FREM1: variants seen among roughly 807,000 people sequenced by gnomAD.
FREM1 encodes the protein FRAS1-related extracellular matrix protein 1.
In FREM1, 220 loss-of-function variants were observed where a neutral mutation model predicts 210.1. That is an observed-to-expected ratio of 1.05 (90% CI 0.94 to 1.17). The LOEUF (loss-of-function observed/expected upper bound fraction) is 1.17, where lower values mean the gene tolerates loss of function less well. FREM1 is among the 50% of genes most tolerant of loss of function. The pLI is 0.00. For missense variants in FREM1, 3,454 were observed against 2,675.5 expected (o/e 1.29, Z -6.42); for synonymous variants, 1,189 against 980.2 (o/e 1.21, Z -3.98).
At chr9:14,860,249 C>T (rs116009401) in intron 3 of FREM1, among the ~76,000 whole-genome samples, 22 of 152,096 alleles carry the variant, frequency 1.4e-4, no homozygotes, top group Middle Eastern at 3.4e-3. Context: ...TCAGGCATAA[C>T]GGGCTCAGGT....
intron 1 of FREM1, among the ~76,000 whole-genome samples, chr9:14,893,501 G>A (rs1032367912): frequency 4.6e-5 from 7 of 152,124 alleles, no homozygotes; most frequent in Non-Finnish European, 1.5e-5. Context: ...TTCAATTCCT[G>A]GATCAGGAAA....
chr9:14,883,371 T>G (rs1835168525), intron 1 of FREM1, among the ~76,000 whole-genome samples: 1 of 152,082 alleles, frequency 6.6e-6, no homozygotes, highest in African/African-American at 2.4e-5. Flanking sequence ...GCAATAAAGA[T>G]CAAAAAGGGT....
At chr9:14,784,343 G>C (rs370415834) in intron 24 of FREM1, 27 bp downstream of exon 24, 1 of 1,601,274 alleles carries the variant, frequency 6.2e-7, no homozygotes, top group Non-Finnish European at 8.5e-7. Context: ...CCAAAGAAGG[G>C]GTTTGAAAAG....
chr9:14,801,250 C>T (rs1474840607), intron 20 of FREM1, among the ~76,000 whole-genome samples: 3 of 152,286 alleles, frequency 2.0e-5, no homozygotes, highest in African/African-American at 4.8e-5. Context: ...CACCTGTCTT[C>T]GTCTCCCAAA....
chr9:14,895,469 G>A (rs1314200252), intron 1 of FREM1, among the ~76,000 whole-genome samples: 1 of 152,102 alleles, frequency 6.6e-6, no homozygotes, highest in Non-Finnish European at 1.5e-5. Flanking sequence ...GAAACAAGAA[G>A]GATGGGTAAT....
chr9:14,848,826 G>A, intron 6 of FREM1, 53 bp from the exon 7 acceptor site: 1 of 1,115,874 alleles, frequency 9.0e-7, no homozygotes, highest in Non-Finnish European at 1.4e-6. Context: ...ACAGGGTAAA[G>A]TAGCATTAAT....
intron 1 of FREM1, among the ~76,000 whole-genome samples, chr9:14,878,266 C>T (rs1489457107): frequency 6.6e-6 from 1 of 152,130 alleles, no homozygotes; most frequent in African/African-American, 2.4e-5. Context: ...CCTTTGCTGA[C>T]CCTGTCCCAG....
At chr9:14,884,390 C>G (rs1219187474) in intron 1 of FREM1, among the ~76,000 whole-genome samples, 1 of 152,148 alleles carries the variant, frequency 6.6e-6, no homozygotes, top group Non-Finnish European at 1.5e-5. Flanking sequence ...TTTTTCTTTA[C>G]ATGGTAATCA....
intron 10 of FREM1, among the ~76,000 whole-genome samples, chr9:14,827,173 G>A (rs1240902603): frequency 2.8e-5 from 1 of 36,328 alleles, no homozygotes; most frequent in South Asian, 1.9e-3. Flanking sequence ...GTGTGCTCTA[G>A]ACAGAAGAAC....
At chr9:14,796,052 T>G (rs1191123500) in intron 21 of FREM1, among the ~76,000 whole-genome samples, 5 of 152,218 alleles carry the variant, frequency 3.3e-5, no homozygotes, top group African/African-American at 4.8e-5. Context: ...GGTGAATACT[T>G]TTAGACAAAC....
intron 1 of FREM1, among the ~76,000 whole-genome samples, chr9:14,885,862 A>G (rs1257103882): frequency 6.6e-6 from 1 of 152,192 alleles, no homozygotes; most frequent in African/African-American, 2.4e-5. Flanking sequence ...GAGAACATTT[A>G]AAATCTACTC....
intron 1 of FREM1, among the ~76,000 whole-genome samples, chr9:14,893,007 T>A (rs987439368): frequency 6.6e-6 from 1 of 151,884 alleles, no homozygotes; most frequent in South Asian, 2.1e-4. Flanking sequence ...GAGGGGCTAA[T>A]GTCTGTGTTT....
At chr9:14,873,334 C>T (rs1282746056) in intron 1 of FREM1, among the ~76,000 whole-genome samples, 1 of 152,144 alleles carries the variant, frequency 6.6e-6, no homozygotes, top group African/African-American at 2.4e-5. Flanking sequence ...TTGATTATTG[C>T]CACAATTTCA....
chr9:14,786,240 G>A (rs1056535683), intron 23 of FREM1, among the ~76,000 whole-genome samples: 26 of 152,114 alleles, frequency 1.7e-4, no homozygotes, highest in South Asian at 1.0e-3. Flanking sequence ...GTGAGAATTC[G>A]TACGCAAGCC....
chr9:14,741,566 A>C (rs1494344), intron 35 of FREM1, among the ~76,000 whole-genome samples: 2 of 151,920 alleles, frequency 1.3e-5, no homozygotes, highest in Admixed American at 6.6e-5. Flanking sequence ...CCCCTCCCCA[A>C]CACATCCAAC....
In FREM1 at chr9:14,784,518, C is replaced by G; in HGVS notation, c.4294G>C (p.Val1432Leu). 1 of 1,613,846 alleles carries G rather than the reference C, an allele frequency of 6.2e-7. No individual in the cohort carries two copies. Residue 1432 changes from valine (V) to leucine (L), a missense_variant, in exon 24 of 37, where the codon GTC becomes CTC. Val to Leu is a conservative substitution (Grantham distance 32). Coordinates refer to ENST00000380880, the MANE Select transcript of FREM1 (RefSeq NM_001379081.2). Reference protein sequence around the residue: ...GTDKPEELLYVITSPPRYGQI... With the variant: ...GTDKPEELLYLITSPPRYGQI... ...CCATATCGCGGAGGGGAGGTGATGACATAGAGCAGTTCCTCAGGCTTGTCT... is the reference window on the plus strand; with the variant it reads ...CCATATCGCGGAGGGGAGGTGATGAGATAGAGCAGTTCCTCAGGCTTGTCT...
intron 23 of FREM1, among the ~76,000 whole-genome samples, chr9:14,787,837 G>T (rs773039048): frequency 6.6e-6 from 1 of 152,092 alleles, no homozygotes; most frequent in Non-Finnish European, 1.5e-5. Context: ...TAGTTGTTTT[G>T]CAGGGAGAGA....
chr9:14,799,418 C>G (rs531141201), intron 20 of FREM1, among the ~76,000 whole-genome samples: 17 of 151,966 alleles, frequency 1.1e-4, no homozygotes, highest in African/African-American at 3.9e-4. Flanking sequence ...ATAAATGAAC[C>G]ACAGATAAAA....
intron 10 of FREM1, among the ~76,000 whole-genome samples, chr9:14,833,607 T>G (rs539662934): frequency 6.6e-6 from 1 of 152,324 alleles, no homozygotes; most frequent in Non-Finnish European, 1.5e-5. Context: ...GAGGTTACTT[T>G]TTTGTAACAT....
Sources: allele counts gnomAD v4.1 joint callset (sites outside exome capture counted in the v4.1 genomes callset), GRCh38; gene constraint gnomAD v4.1.1; transcripts MANE v1.5; gene names NCBI Gene and HGNC (gene_info 2026-07-23, HGNC 2026-07-21).